SOBP: variants seen among roughly 807,000 people sequenced by gnomAD.
The protein encoded by SOBP is sine oculis binding protein homolog.
SOBP carries 4 observed loss-of-function variants against 53.6 expected under a neutral mutation model. That is an observed-to-expected ratio of 0.07 (90% CI 0.04 to 0.17). The LOEUF (loss-of-function observed/expected upper bound fraction) is 0.17. Among genes scored for constraint, SOBP ranks in the 10% least tolerant of loss-of-function variants. The probability of loss-of-function intolerance (pLI) is 1.00; values close to 1 mark genes in which losing one functional copy is unlikely to be tolerated. For missense variants in SOBP, 1,088 were observed against 1,204.7 expected (o/e 0.90, Z 1.43); for synonymous variants, 584 against 522.6 (o/e 1.12, Z -1.60).
intron 5 of SOBP, among the ~76,000 whole-genome samples, chr6:107,595,773 G>A (rs1374932904): frequency 6.6e-6 from 1 of 152,078 alleles, no homozygotes; most frequent in African/African-American, 2.4e-5. Flanking sequence ...AATATTTGAA[G>A]TGGAGAAGAA....
chr6:107,583,613 A>G (rs1005630914), intron 4 of SOBP, among the ~76,000 whole-genome samples: 2 of 152,054 alleles, frequency 1.3e-5, no homozygotes, highest in African/African-American at 2.4e-5. Context: ...ATAACCTCGA[A>G]GTGCTGGGCT....
chr6:107,490,758 G>A (rs1583132373), intron 1 of SOBP, 46 bp downstream of exon 1: 2 of 1,438,484 alleles, frequency 1.4e-6, no homozygotes, highest in Middle Eastern at 1.9e-4. Context: ...TCTTTCTTGC[G>A]CCCGCTCCCC....
chr6:107,618,377 A>G (rs971096930), intron 5 of SOBP, among the ~76,000 whole-genome samples: 2 of 152,142 alleles, frequency 1.3e-5, no homozygotes, highest in Non-Finnish European at 2.9e-5. Flanking sequence ...CTGATCACCC[A>G]TTCTCCTCTT....
In SOBP at chr6:107,635,834, A is replaced by T. The variant is rs1771017511; in HGVS notation, c.*3+365A>T. On this transcript the variant is annotated intron_variant, in intron 6 of 6. Transcript: ENST00000317357. The surrounding 1 kb of genome is among the most constrained non-coding windows in gnomAD (Gnocchi z 4.5). ...TATTGGAGAAGAGGAGGATGGGGGG[A>T]GGGAGAAGAGATTAACTTGGGACAC... 1.3e-5 allele frequency among the ~76,000 whole-genome samples: 2 copies of T among 152,004 alleles called. No individual in the cohort carries two copies. Among genetic ancestry groups the T allele is most frequent in the Admixed American group, 1.3e-4 (2 of 15,260 alleles).
chr6:107,572,266 C>T lies in SOBP; in HGVS notation c.574-14814C>T, dbSNP rs117530454. 7.8e-3 allele frequency among the ~76,000 whole-genome samples: 1,176 copies of T among 151,316 alleles called. 2 individuals carry two copies. The highest frequency in any genetic ancestry group is 0.013 in the Non-Finnish European group (872 of 67,886). On this transcript the variant is annotated intron_variant, in intron 4 of 6. Coordinates refer to ENST00000317357, the MANE Select transcript of SOBP (RefSeq NM_018013.4). ...ACTTAGTTAAAAAGAAAAGCCCTAG[C>T]CTTTTGAATAAGAAAATAATAGCTG...
At chr6:107,563,597 GT>G (rs1257855350) in intron 4 of SOBP, among the ~76,000 whole-genome samples, 1 of 151,752 alleles carries the variant, frequency 6.6e-6, no homozygotes, top group Non-Finnish European at 1.5e-5. Flanking sequence ...CTCATGTGAG[GT>G]AAAAGAAAGA....
intron 4 of SOBP, among the ~76,000 whole-genome samples, chr6:107,548,871 A>G (rs1784382605): frequency 6.6e-6 from 1 of 152,126 alleles, no homozygotes. Flanking sequence ...CAGGAGTTTG[A>G]GGTTGCAGTG....
intron 6 of SOBP, among the ~76,000 whole-genome samples, chr6:107,642,259 G>A (rs763578107): frequency 2.6e-5 from 4 of 151,810 alleles, no homozygotes; most frequent in Non-Finnish European, 5.9e-5. Flanking sequence ...AAAAAAATAG[G>A]GTGGGGTCAG....
chr6:107,656,585 A>C (rs1423828438), intron 6 of SOBP, among the ~76,000 whole-genome samples: 1 of 152,236 alleles, frequency 6.6e-6, no homozygotes. Context: ...CCTGTCGTGC[A>C]CAGTGAAACT....
At chr6:107,582,252 T>A (rs1785426332) in intron 4 of SOBP, among the ~76,000 whole-genome samples, 1 of 152,198 alleles carries the variant, frequency 6.6e-6, no homozygotes, top group South Asian at 2.1e-4. Flanking sequence ...TGCTCCAACA[T>A]GCACATGGCA....
intron 4 of SOBP, among the ~76,000 whole-genome samples, chr6:107,542,771 T>G (rs1228489965): frequency 6.6e-6 from 1 of 152,124 alleles, no homozygotes; most frequent in Non-Finnish European, 1.5e-5. Flanking sequence ...GTTTTGTTTT[T>G]TTTTTGGGCA....
At chr6:107,565,013 G>C (rs1365981055) in intron 4 of SOBP, among the ~76,000 whole-genome samples, 1 of 152,240 alleles carries the variant, frequency 6.6e-6, no homozygotes, top group Non-Finnish European at 1.5e-5. Context: ...GGAAACAAGA[G>C]ATGGCTATTG....
chr6:107,562,641 C>T (rs980129402), intron 4 of SOBP, among the ~76,000 whole-genome samples: 1 of 152,066 alleles, frequency 6.6e-6, no homozygotes, highest in Non-Finnish European at 1.5e-5. Flanking sequence ...ATTTCCTTGT[C>T]GCCTTCTGCA....
chr6:107,490,632 A>G lies in SOBP; in HGVS notation c.16A>G (p.Lys6Glu). 2 of 1,605,980 alleles carry G rather than the reference A, an allele frequency of 1.2e-6. No individual in the cohort carries two copies. Among genetic ancestry groups the G allele is most frequent in the South Asian group, 1.1e-5 (1 of 89,814 alleles). Residue 6 changes from lysine to glutamate, a missense_variant, in exon 1 of 7, where the codon AAA (lysine) becomes GAA (glutamate). Around this residue, in one of 6 missense-constraint regions of SOBP, gnomAD observed 37 missense variants for 37.8 expected, o/e 0.98. Transcript: ENST00000317357. MAEME[K>E]EGRPPENKRS... Reference sequence around the variant, plus strand: ...ACACAAAAACATGGCAGAAATGGAGAAAGAAGGGAGACCTCCCGAAAATAA... The same window carrying G: ...ACACAAAAACATGGCAGAAATGGAGGAAGAAGGGAGACCTCCCGAAAATAA...
At chr6:107,515,807 G>A (rs1583163099) in intron 3 of SOBP, among the ~76,000 whole-genome samples, 1 of 152,086 alleles carries the variant, frequency 6.6e-6, no homozygotes, top group South Asian at 2.1e-4. Flanking sequence ...AAAATACTGA[G>A]CAAAATTATA....
At chr6:107,511,662 A>G (rs1535287) in intron 3 of SOBP, 63,610 of 152,040 alleles carry the variant, frequency 0.42, 16,766 homozygotes, top group Middle Eastern at 0.67. Flanking sequence ...CCTTTCTCAC[A>G]GCTGCATACA....
intron 4 of SOBP, among the ~76,000 whole-genome samples, chr6:107,546,966 G>A (rs1784318179): frequency 6.6e-6 from 1 of 152,114 alleles, no homozygotes; most frequent in African/African-American, 2.4e-5. Context: ...ATATTCCTCA[G>A]GGTAGAGAAA....
chr6:107,535,582 A>G, intron 4 of SOBP, among the ~76,000 whole-genome samples: 1 of 149,048 alleles, frequency 6.7e-6, no homozygotes, highest in South Asian at 2.1e-4. Context: ...CCTTCCTTAT[A>G]TATCCCAAAG....
chr6:107,606,374 G>A (rs1678261609), intron 5 of SOBP, among the ~76,000 whole-genome samples: 1 of 152,176 alleles, frequency 6.6e-6, no homozygotes, highest in African/African-American at 2.4e-5. Flanking sequence ...ACTGCGCCTG[G>A]CCCCTAGATA....
Sources: gnomAD v4.1 joint callset for allele counts (sites outside exome capture counted in the v4.1 genomes callset) on GRCh38, gnomAD v4.1.1 for gene constraint, gnomAD v4.1.1 regional missense constraint, Gnocchi (gnomAD v3.1) non-coding constraint, MANE v1.5 for transcripts, NCBI Gene and HGNC (gene_info 2026-07-23, HGNC 2026-07-21) for gene names.